NEK7: variants seen among roughly 807,000 people sequenced by gnomAD.
The protein encoded by NEK7 is NIMA related kinase 7.
A neutral mutation model predicts 44.6 loss-of-function variants in NEK7; 18 were observed. The observed-to-expected ratio is 0.40, with a 90% CI of 0.28 to 0.60. NEK7 has a LOEUF of 0.60. Ranked by LOEUF, NEK7 falls within the 20% of genes least tolerant of loss-of-function variation. The pLI, the probability that NEK7 is intolerant of heterozygous loss-of-function variation, is 0.38. For missense variants in NEK7, 256 were observed against 366.5 expected, an observed-to-expected ratio of 0.70 and a Z score of 2.46; for synonymous variants, 130 against 121.1, an observed-to-expected ratio of 1.07 and a Z score of -0.48.
At chr1:198,210,179 T>C (rs1444568772) in intron 1 of NEK7, among the ~76,000 whole-genome samples, 1 of 152,042 alleles carries the variant, frequency 6.6e-6, no homozygotes, top group Non-Finnish European at 1.5e-5. Flanking sequence ...ACCGTAACTT[T>C]AAACTCCTGG....
At chr1:198,209,275 T>G (rs1188084402) in intron 1 of NEK7, among the ~76,000 whole-genome samples, 1 of 152,010 alleles carries the variant, frequency 6.6e-6, no homozygotes, top group Admixed American at 6.5e-5. Flanking sequence ...CAAATGTGCT[T>G]TTCTTAAAAA....
chr1:198,251,800 A>C (rs985684814), intron 2 of NEK7, among the ~76,000 whole-genome samples: 1 of 151,748 alleles, frequency 6.6e-6, no homozygotes, highest in Non-Finnish European at 1.5e-5. Flanking sequence ...CAGTCTATCA[A>C]TTTTGTTGAT....
intron 2 of NEK7, among the ~76,000 whole-genome samples, chr1:198,242,007 T>G (rs528035005): frequency 6.6e-6 from 1 of 152,198 alleles, no homozygotes; most frequent in Non-Finnish European, 1.5e-5. Flanking sequence ...TTAGCCTTGT[T>G]TTTACCAGTA....
chr1:198,254,486 T>C (rs531484283), intron 3 of NEK7, among the ~76,000 whole-genome samples: 1 of 152,290 alleles, frequency 6.6e-6, no homozygotes, highest in African/African-American at 2.4e-5. Context: ...TTTTTTCACA[T>C]AGCTTCGTGT....
At chr1:198,197,932 AG>A in intron 1 of NEK7, 2 of 1,454,642 alleles carry the variant, frequency 1.4e-6, no homozygotes, top group Admixed American at 1.7e-5. Flanking sequence ...GATTCACAGG[AG>A]GCATCCAGGG....
chr1:198,175,213 G>A (rs1049045885), intron 1 of NEK7, among the ~76,000 whole-genome samples: 6 of 152,164 alleles, frequency 3.9e-5, no homozygotes, highest in African/African-American at 1.4e-4. Flanking sequence ...ATAAATATGA[G>A]CAGTTGATAA....
At chr1:198,160,572 CTGTTTGCTCCGAAT>C (rs1664075223) in intron 1 of NEK7, among the ~76,000 whole-genome samples, 2 of 152,226 alleles carry the variant, frequency 1.3e-5, no homozygotes, top group African/African-American at 4.8e-5. Context: ...TGTATGATTA[CTGTTTGCTCCGAAT>C]TGTTTTATCA....
intron 9 of NEK7, among the ~76,000 whole-genome samples, chr1:198,313,155 A>G (rs889122230): frequency 5.9e-5 from 9 of 152,140 alleles, no homozygotes; most frequent in African/African-American, 2.2e-4. Context: ...TGGAATAGTT[A>G]GCTCTTCTTG....
At chr1:198,217,554 T>C (rs1472253210) in intron 1 of NEK7, among the ~76,000 whole-genome samples, 1 of 152,008 alleles carries the variant, frequency 6.6e-6, no homozygotes, top group Non-Finnish European at 1.5e-5. Flanking sequence ...TTTCACCATT[T>C]CTATTCAACA....
chr1:198,261,993 A>G (rs781488438), intron 3 of NEK7, among the ~76,000 whole-genome samples: 5 of 151,768 alleles, frequency 3.3e-5, no homozygotes, highest in Non-Finnish European at 7.4e-5. Context: ...CAAAGAACCA[A>G]TTTTCACCCC....
At position 198,297,052 on chromosome 1, in the gene NEK7, C is replaced by T. The variant is rs372604967; in HGVS notation, c.685-75C>T. 2.0e-4 allele frequency: 184 copies of T among 923,962 alleles called. 1 individual carries two copies. The African/African-American group carries it at 2.4e-3, about 12-fold the overall frequency. The allele number at this position is 923,962 out of a possible 1,614,324, so 57.2% of individuals were successfully genotyped here. A position where few individuals can be genotyped will look rare whatever the true frequency, so the allele number is the denominator to read the frequency against. ...AATATTTGTGATTATTTTCTACCCC[C>T]GTATAATATACTTGATGAAATCACC... On this transcript the variant is annotated intron_variant, in intron 8 of 9. Coordinates refer to ENST00000367385, the MANE Select transcript of NEK7 (RefSeq NM_133494.3).
intron 1 of NEK7, among the ~76,000 whole-genome samples, chr1:198,201,024 G>C (rs1430678082): frequency 6.6e-6 from 1 of 152,124 alleles, no homozygotes; most frequent in African/African-American, 2.4e-5. Context: ...ATTCATGTTG[G>C]CTTGTTGAGA....
chr1:198,257,180 TTATG>T lies in NEK7; in HGVS notation c.198+4004_198+4007del, dbSNP rs1217366846. Among the ~76,000 whole-genome samples the T allele has an allele frequency of 2.0e-5, 3 of 152,298 alleles. No homozygotes were observed. In the South Asian group the frequency reaches 6.2e-4, roughly 32 times the overall value. The stretch of plus-strand genomic sequence containing the variant: ...TAGGAAGAAAAGCTAAAATAATACT[TTATG>T]TATTTATACAAATAAACATAAAGTG... On this transcript the variant is annotated intron_variant, in intron 3 of 9. Coordinates refer to ENST00000367385, the MANE Select transcript of NEK7 (RefSeq NM_133494.3).
At chr1:198,250,378 C>T (rs554187454) in intron 2 of NEK7, among the ~76,000 whole-genome samples, 306 of 152,196 alleles carry the variant, frequency 2.0e-3, no homozygotes, top group South Asian at 3.7e-3. Context: ...TTTTTGGTTC[C>T]ATATGAACTT....
chr1:198,263,945 A>G (rs1319291027), intron 4 of NEK7, among the ~76,000 whole-genome samples, 180 bp from the exon 5 acceptor site: 3 of 151,990 alleles, frequency 2.0e-5, no homozygotes, highest in Non-Finnish European at 4.4e-5. Context: ...ATTTATACCT[A>G]GTTTTACTTT....
chr1:198,302,227 T>C (rs1306177018), intron 9 of NEK7, among the ~76,000 whole-genome samples: 1 of 152,230 alleles, frequency 6.6e-6, no homozygotes, highest in East Asian at 1.9e-4. Flanking sequence ...AAAGGTCACA[T>C]TCAATCAAAT....
At chr1:198,248,660 G>T (rs1666902065) in intron 2 of NEK7, among the ~76,000 whole-genome samples, 1 of 152,162 alleles carries the variant, frequency 6.6e-6, no homozygotes, top group African/African-American at 2.4e-5. Context: ...TTAAATAACT[G>T]TCAGGAAGTT....
intron 5 of NEK7, among the ~76,000 whole-genome samples, chr1:198,274,493 A>G (rs1288825273): frequency 2.0e-5 from 3 of 151,786 alleles, no homozygotes; most frequent in East Asian, 1.9e-4. Context: ...TTTTTTAAAG[A>G]TTAACATGTC....
At chr1:198,230,590 AAT>A (rs1303133639) in intron 1 of NEK7, among the ~76,000 whole-genome samples, 2 of 152,100 alleles carry the variant, frequency 1.3e-5, no homozygotes, top group Non-Finnish European at 1.5e-5. Context: ...TGACAGATTT[AAT>A]ACGTTTTTCC....
Sources: gnomAD v4.1 joint callset for allele counts (sites outside exome capture counted in the v4.1 genomes callset) on GRCh38, gnomAD v4.1.1 for gene constraint, MANE v1.5 for transcripts, NCBI Gene and HGNC (gene_info 2026-07-23, HGNC 2026-07-21) for gene names.